Variants in SLC35F1 observed in about 807,000 individuals in gnomAD.
The protein encoded by SLC35F1 is chromosome 6 open reading frame 169.
SLC35F1 carries 14 observed loss-of-function variants against 48.7 expected under a neutral mutation model. The ratio of observed to expected loss-of-function variants is 0.29; its 90% CI spans 0.19 to 0.45. The LOEUF (loss-of-function observed/expected upper bound fraction) is 0.45, where lower values mean the gene tolerates loss of function less well. SLC35F1 is among the 20% of genes least tolerant of loss of function. SLC35F1 has a pLI of 1.00. For synonymous variants in SLC35F1, 190 were observed against 202.2 expected (o/e 0.94, Z 0.51); for missense variants, 404 against 500.0 (o/e 0.81, Z 1.83).
chr6:118,095,933 A>T (rs565987096), intron 1 of SLC35F1, among the ~76,000 whole-genome samples: 1 of 152,282 alleles, frequency 6.6e-6, no homozygotes, highest in Non-Finnish European at 1.5e-5. Context: ...TGTCTTCATT[A>T]TTACCAACTG....
intron 1 of SLC35F1, among the ~76,000 whole-genome samples, chr6:117,941,099 T>G (rs916144293): frequency 6.6e-6 from 1 of 152,190 alleles, no homozygotes; most frequent in African/African-American, 2.4e-5. Flanking sequence ...ATCTCCTTCT[T>G]CGTTATTTTA....
At chr6:118,024,048 A>T (rs897315340) in intron 1 of SLC35F1, among the ~76,000 whole-genome samples, 5 of 152,214 alleles carry the variant, frequency 3.3e-5, no homozygotes, top group Non-Finnish European at 5.9e-5. Context: ...CTAGGGAATT[A>T]GGCTCACTGT....
rs188540209 is a variant in SLC35F1 at position 118,019,578 on chromosome 6, C to T, written c.173+111679C>T. Among the ~76,000 whole-genome samples the T allele has an allele frequency of 2.3e-3, 349 of 151,968 alleles. 1 individual carries two copies. Among genetic ancestry groups the T allele is most frequent in the Non-Finnish European group, 3.4e-3 (228 of 67,992 alleles). ...CAGAGGGTGCAGTGAGCCAAGATCACGCTACTGCACTCCAGCCTGGGTGAC... is the reference window on the plus strand; with the variant it reads ...CAGAGGGTGCAGTGAGCCAAGATCATGCTACTGCACTCCAGCCTGGGTGAC... On this transcript the variant is annotated intron_variant, in intron 1 of 7. Transcript: ENST00000360388.
chr6:118,045,050 G>T (rs982063210), intron 1 of SLC35F1, among the ~76,000 whole-genome samples: 27 of 152,164 alleles, frequency 1.8e-4, no homozygotes, highest in Non-Finnish European at 1.5e-4. Context: ...GGTATGATGA[G>T]AAGTTTTTAA....
intron 1 of SLC35F1, among the ~76,000 whole-genome samples, chr6:117,987,880 T>C (rs1031436056): frequency 7.9e-5 from 12 of 152,178 alleles, no homozygotes; most frequent in Admixed American, 5.9e-4. Context: ...AAATTATAAA[T>C]TTTGCAGTCC....
At chr6:118,153,648 C>G (rs956552576) in intron 1 of SLC35F1, among the ~76,000 whole-genome samples, 1 of 152,124 alleles carries the variant, frequency 6.6e-6, no homozygotes, top group Admixed American at 6.6e-5. Flanking sequence ...AAAATTAACG[C>G]CTTGACCCTT....
intron 1 of SLC35F1, among the ~76,000 whole-genome samples, chr6:118,114,271 T>C (rs1326047656): frequency 6.6e-6 from 1 of 152,152 alleles, no homozygotes; most frequent in Non-Finnish European, 1.5e-5. Context: ...TAAATTATCA[T>C]CGCAATTATG....
chr6:118,134,840 GA>G (rs1773770183), intron 1 of SLC35F1, among the ~76,000 whole-genome samples: 2 of 152,158 alleles, frequency 1.3e-5, no homozygotes. Flanking sequence ...CAGCAGAAAT[GA>G]ACATCAAGGT....
At chr6:118,186,237 G>A (rs1774655034) in intron 2 of SLC35F1, among the ~76,000 whole-genome samples, 4 of 152,020 alleles carry the variant, frequency 2.6e-5, no homozygotes, top group South Asian at 2.1e-4. Context: ...CATCTAGAAC[G>A]TGAACTCTAG....
chr6:118,059,827 C>T (rs1012590843), intron 1 of SLC35F1, among the ~76,000 whole-genome samples: 4 of 152,210 alleles, frequency 2.6e-5, no homozygotes, highest in Non-Finnish European at 5.9e-5. Flanking sequence ...CAGTCCTAAT[C>T]ACAATCATGG....
intron 1 of SLC35F1, among the ~76,000 whole-genome samples, chr6:117,962,551 C>G (rs896359449): frequency 6.6e-6 from 1 of 152,052 alleles, no homozygotes; most frequent in Non-Finnish European, 1.5e-5. Context: ...TAATCATCTG[C>G]TCACCCAGAG....
intron 1 of SLC35F1, among the ~76,000 whole-genome samples, chr6:118,002,151 C>T (rs546340624): frequency 1.1e-4 from 16 of 150,696 alleles, no homozygotes; most frequent in African/African-American, 3.2e-4. Flanking sequence ...CACATGCACA[C>T]GTATGTTTAT....
At chr6:117,939,708 G>A (rs1047319719) in intron 1 of SLC35F1, among the ~76,000 whole-genome samples, 1 of 152,210 alleles carries the variant, frequency 6.6e-6, no homozygotes, top group African/African-American at 2.4e-5. Flanking sequence ...GAGAAAAATA[G>A]GGAGGAGATG....
At chr6:117,981,071 G>T (rs1287079905) in intron 1 of SLC35F1, among the ~76,000 whole-genome samples, 1 of 152,202 alleles carries the variant, frequency 6.6e-6, no homozygotes, top group Non-Finnish European at 1.5e-5. Context: ...AGAAAGCTTT[G>T]GTTGTAGGGC....
intron 1 of SLC35F1, among the ~76,000 whole-genome samples, chr6:118,056,604 G>T (rs1772466983): frequency 6.6e-6 from 1 of 152,158 alleles, no homozygotes; most frequent in Non-Finnish European, 1.5e-5. Context: ...AAATCTGGTT[G>T]CCCTCTCAGG....
chr6:118,100,861 C>T (rs1773247772), intron 1 of SLC35F1, among the ~76,000 whole-genome samples: 1 of 152,268 alleles, frequency 6.6e-6, no homozygotes, highest in African/African-American at 2.4e-5. Context: ...TCTGTTGTGG[C>T]CTGCCCCCAT....
At chr6:118,291,077 G>A (rs1013071336) in intron 7 of SLC35F1, among the ~76,000 whole-genome samples, 6 of 152,056 alleles carry the variant, frequency 3.9e-5, no homozygotes, top group Admixed American at 2.0e-4. Flanking sequence ...ACAGACATAA[G>A]CCACCATGCC....
chr6:118,302,402 T>C (rs745456456), intron 7 of SLC35F1, among the ~76,000 whole-genome samples: 124 of 152,168 alleles, frequency 8.1e-4, no homozygotes, highest in Non-Finnish European at 1.2e-3. Flanking sequence ...ATTATCAAAT[T>C]AACTTTTCCC....
intron 2 of SLC35F1, among the ~76,000 whole-genome samples, chr6:118,229,177 ATG>A (rs1304065561): frequency 6.6e-6 from 1 of 151,990 alleles, no homozygotes; most frequent in Non-Finnish European, 1.5e-5. Flanking sequence ...CACTGTTACT[ATG>A]TCTGGGGCCT....
Sources: gnomAD v4.1 joint callset for allele counts (sites outside exome capture counted in the v4.1 genomes callset) on GRCh38, gnomAD v4.1.1 for gene constraint, MANE v1.5 for transcripts, NCBI Gene and HGNC (gene_info 2026-07-23, HGNC 2026-07-21) for gene names.